REPS2: variants seen among roughly 807,000 people sequenced by gnomAD.
The protein encoded by REPS2 is RALBP1 associated Eps domain containing 2, also known as ralBP1-associated Eps domain-containing protein 2.
Under a neutral mutation model 53.6 loss-of-function variants are expected in REPS2, and 23 were observed. The ratio of observed to expected loss-of-function variants is 0.43; its 90% CI spans 0.31 to 0.61. The LOEUF is 0.61. Ranked by LOEUF, REPS2 falls within the 20% of genes least tolerant of loss-of-function variation. REPS2 has a pLI of 0.11. For missense variants in REPS2, 446 were observed against 534.9 expected (o/e 0.83, Z 1.64); for synonymous variants, 238 against 218.6 (o/e 1.09, Z -0.78).
At chrX:17,042,486 A>G (rs1483056437) in intron 5 of REPS2, among the ~76,000 whole-genome samples, 1 of 111,750 alleles carries the variant, frequency 8.9e-6, no homozygotes, top group African/African-American at 3.3e-5. Context: ...TCCTGCGGTG[A>G]CATGGCCTCT....
At chrX:17,135,430 G>A (rs1294677966) in intron 16 of REPS2, 24 bp downstream of exon 16, 1 of 1,193,034 alleles carries the variant, frequency 8.4e-7, no homozygotes, top group South Asian at 1.9e-5. Flanking sequence ...ATAAACAAGA[G>A]TGAGGTAGGA....
intron 14 of REPS2, among the ~76,000 whole-genome samples, chrX:17,124,854 TTC>T (rs2063186992): frequency 9.4e-6 from 1 of 106,632 alleles, no homozygotes; most frequent in African/African-American, 3.5e-5. Flanking sequence ...ACAGATGGAC[TTC>T]TTTTTTTTTT....
chrX:17,039,346 C>G (rs928538533), intron 5 of REPS2, among the ~76,000 whole-genome samples: 1 of 112,204 alleles, frequency 8.9e-6, no homozygotes, highest in African/African-American at 3.2e-5. Flanking sequence ...ATACTGTTAG[C>G]GCCACATACT....
In REPS2 at chrX:16,947,154, G is replaced by C. The variant is rs2060446464; in HGVS notation, c.273+20G>C. On this transcript the variant is annotated intron_variant, in intron 1 of 17. Transcript: ENST00000357277. ...CACCAGGTGGGTCCCTCCGCCTCCT[G>C]TCCCTGCGGGTCTGTGGGGCAGTGT... 5.8e-6 allele frequency: 6 copies of C among 1,035,782 alleles called. No homozygotes were observed. The highest frequency in any genetic ancestry group is 6.1e-6 in the Non-Finnish European group (5 of 813,368). The allele number at this position is 1,035,782 out of a possible 1,213,427, so 85.4% of individuals were successfully genotyped here.
chrX:16,958,664 T>C (rs1196360053), intron 1 of REPS2, among the ~76,000 whole-genome samples: 2 of 111,806 alleles, frequency 1.8e-5, no homozygotes, highest in African/African-American at 6.5e-5. Flanking sequence ...GATGAGGGGA[T>C]GGGAGAGAAG....
At chrX:17,016,322 C>T (rs1460204691) in intron 2 of REPS2, among the ~76,000 whole-genome samples, 3 of 112,297 alleles carry the variant, frequency 2.7e-5, no homozygotes, top group African/African-American at 6.5e-5. Context: ...ATGAAAGTAG[C>T]CATGGACAGC....
At chrX:17,099,959 C>T (rs2062763747) in intron 13 of REPS2, 1 of 1,161,700 alleles carries the variant, frequency 8.6e-7, no homozygotes, top group Admixed American at 2.2e-5. Flanking sequence ...CTCCAATAAT[C>T]TGCTCCGGCT....
rs771828879 is a variant in REPS2, at chrX:16,977,898, G to T, written c.274-28323G>T. 2.7e-5 allele frequency among the ~76,000 whole-genome samples: 3 copies of T among 110,761 alleles called. No homozygotes were observed. In the East Asian group the frequency reaches 8.5e-4, roughly 31 times the overall value. ...ATTTCTGCTCCAGATGGCATTGGTTGGGCAATGGGACTGGAGGTTCTAATT... is the reference window on the plus strand; with the variant it reads ...ATTTCTGCTCCAGATGGCATTGGTTTGGCAATGGGACTGGAGGTTCTAATT... On this transcript the variant is annotated intron_variant, in intron 1 of 17. Transcript: ENST00000357277.
intron 5 of REPS2, among the ~76,000 whole-genome samples, chrX:17,033,360 A>G (rs2061730280): frequency 9.1e-6 from 1 of 110,333 alleles, no homozygotes; most frequent in Non-Finnish European, 1.9e-5. Flanking sequence ...CCTACTTCTC[A>G]CTCTACTTAC....
At chrX:17,072,627 C>G (rs1179403976) in intron 11 of REPS2, among the ~76,000 whole-genome samples, 1 of 112,519 alleles carries the variant, frequency 8.9e-6, no homozygotes, top group Non-Finnish European at 1.9e-5. Flanking sequence ...TGGCGGGGAC[C>G]TCTCCTACCC....
chrX:17,043,022 C>T (rs2061854272), intron 5 of REPS2, among the ~76,000 whole-genome samples: 1 of 111,386 alleles, frequency 9.0e-6, no homozygotes, highest in Non-Finnish European at 1.9e-5. Context: ...GTCTCAAACT[C>T]CTAGAGTCAA....
chrX:17,127,912 G>A (rs145291064), intron 14 of REPS2, among the ~76,000 whole-genome samples: 80 of 111,902 alleles, frequency 7.1e-4, no homozygotes, highest in African/African-American at 2.6e-3. Context: ...CTCTAAGATG[G>A]CTCACTCACA....
At chrX:17,065,375 G>A (rs775852324) in intron 9 of REPS2, among the ~76,000 whole-genome samples, 30 of 111,963 alleles carry the variant, frequency 2.7e-4, no homozygotes, top group Admixed American at 2.3e-3. Flanking sequence ...GATTAATGAC[G>A]TTGAGCATCT....
chrX:17,089,870 T>C (rs1294781785), intron 13 of REPS2, among the ~76,000 whole-genome samples: 7 of 112,585 alleles, frequency 6.2e-5, no homozygotes, highest in Admixed American at 1.9e-4. Context: ...TGTGAACATA[T>C]GTTTCATTTC....
chrX:17,111,609 G>A (rs115081090), intron 14 of REPS2, among the ~76,000 whole-genome samples: 2,124 of 111,953 alleles, frequency 0.019, 46 homozygotes, highest in African/African-American at 0.066. Flanking sequence ...ACCTTCATTT[G>A]TGATGATGAA....
chrX:17,013,811 C>T (rs557032242), intron 2 of REPS2, among the ~76,000 whole-genome samples: 7 of 111,254 alleles, frequency 6.3e-5, no homozygotes, highest in African/African-American at 2.3e-4. Context: ...ATTTCCTTTA[C>T]CCCCTCTCCC....
Position 17,025,195 on chromosome X carries a change from G to C in REPS2, c.673+10G>C, listed in dbSNP as rs1214852035. 1.7e-6 allele frequency: 2 copies of C among 1,203,285 alleles called. No individual in the cohort carries two copies. Among genetic ancestry groups the C allele is most frequent in the African/African-American group, 3.5e-5 (2 of 56,997 alleles). On this transcript the variant is annotated intron_variant, in intron 4 of 17. Transcript: ENST00000357277. ...GAACAGATGCATCCAGGTAAGAGGC[G>C]ACCTGGGGGCCAGCTGTCCCAGGCA...
At chrX:16,964,062 G>A (rs1213198636) in intron 1 of REPS2, among the ~76,000 whole-genome samples, 2 of 105,128 alleles carry the variant, frequency 1.9e-5, no homozygotes, top group East Asian at 5.9e-4. Context: ...GATCATTCTT[G>A]GGTGTTTCTC....
intron 13 of REPS2, among the ~76,000 whole-genome samples, chrX:17,103,015 G>A (rs1460449574): frequency 8.9e-6 from 1 of 112,151 alleles, no homozygotes; most frequent in Non-Finnish European, 1.9e-5. Context: ...GTACAATTCA[G>A]ATGTTCTTGG....
Sources: allele counts gnomAD v4.1 joint callset (sites outside exome capture counted in the v4.1 genomes callset), GRCh38; gene constraint gnomAD v4.1.1; transcripts MANE v1.5; gene names NCBI Gene and HGNC (gene_info 2026-07-23, HGNC 2026-07-21).